The following PRKG1 variants were observed in gnomAD, a reference collection of about 807,000 sequenced individuals.
PRKG1 encodes the protein protein kinase cGMP-dependent 1.
In PRKG1, 35 loss-of-function variants were observed where a neutral mutation model predicts 88.1. The observed-to-expected ratio is 0.40, with a 90% CI of 0.30 to 0.53. The LOEUF (loss-of-function observed/expected upper bound fraction) is 0.53. PRKG1 is among the 20% of genes least tolerant of loss of function. PRKG1 has a pLI of 0.59. For synonymous variants in PRKG1, 303 were observed against 292.5 expected (o/e 1.04, Z -0.37); for missense variants, 540 against 839.8 (o/e 0.64, Z 4.41).
chr10:51,012,797 G>A (rs1368360053), intron 1 of PRKG1, among the ~76,000 whole-genome samples: 2 of 152,240 alleles, frequency 1.3e-5, no homozygotes, highest in African/African-American at 4.8e-5. Flanking sequence ...AAATAAAGGT[G>A]CAATGGCAGA....
At chr10:52,058,700 A>G (rs1448636944) in intron 6 of PRKG1, among the ~76,000 whole-genome samples, 1 of 152,066 alleles carries the variant, frequency 6.6e-6, no homozygotes, top group Non-Finnish European at 1.5e-5. Flanking sequence ...AGTAAAACAT[A>G]AAGCTATAAA....
At chr10:51,748,579 A>G (rs956292017) in intron 3 of PRKG1, among the ~76,000 whole-genome samples, 2 of 152,208 alleles carry the variant, frequency 1.3e-5, no homozygotes, top group Admixed American at 6.5e-5. Flanking sequence ...TTCAATAATT[A>G]AAAAAGAGGA....
intron 9 of PRKG1, among the ~76,000 whole-genome samples, chr10:52,173,686 C>T (rs563318236): frequency 6.6e-6 from 1 of 152,152 alleles, no homozygotes; most frequent in African/African-American, 2.4e-5. Flanking sequence ...CTATTAATTA[C>T]TTCAGGCAGC....
At chr10:51,256,477 A>G (rs1435082763) in intron 2 of PRKG1, among the ~76,000 whole-genome samples, 1 of 152,142 alleles carries the variant, frequency 6.6e-6, no homozygotes, top group East Asian at 1.9e-4. Flanking sequence ...AGGCTACATA[A>G]AGGATAGGCA....
At chr10:51,979,270 C>T (rs562369651) in intron 5 of PRKG1, among the ~76,000 whole-genome samples, 3 of 152,072 alleles carry the variant, frequency 2.0e-5, no homozygotes, top group East Asian at 3.9e-4. Flanking sequence ...TATTGATTTG[C>T]ATATGTTGAA....
chr10:52,081,558 A>G (rs1846775934), intron 7 of PRKG1: 1 of 456,068 alleles, frequency 2.2e-6, no homozygotes, highest in Admixed American at 2.4e-5. Context: ...GATTAATCAT[A>G]ATTCATTCAA....
intron 2 of PRKG1, among the ~76,000 whole-genome samples, chr10:51,465,180 A>C (rs1016070171): frequency 1.3e-5 from 2 of 152,126 alleles, no homozygotes; most frequent in Non-Finnish European, 2.9e-5. Flanking sequence ...TTTACAAATT[A>C]GTTCTGATGT....
intron 9 of PRKG1, among the ~76,000 whole-genome samples, chr10:52,248,811 C>CA (rs1841090556): frequency 6.6e-6 from 1 of 152,088 alleles, no homozygotes; most frequent in Non-Finnish European, 1.5e-5. Context: ...TGTAGATATG[C>CA]AAACATAAAG....
intron 1 of PRKG1, among the ~76,000 whole-genome samples, chr10:51,122,300 C>T (rs1212345284): frequency 6.6e-6 from 1 of 152,176 alleles, no homozygotes; most frequent in African/African-American, 2.4e-5. Flanking sequence ...GCATCATGCC[C>T]TTCTCCCAAA....
chr10:52,023,448 G>T (rs1054459295), intron 5 of PRKG1, among the ~76,000 whole-genome samples: 1 of 152,140 alleles, frequency 6.6e-6, no homozygotes, highest in South Asian at 2.1e-4. Context: ...GGATTGCTGG[G>T]TCAAATGGTA....
At chr10:51,119,966 T>A (rs1845221241) in intron 1 of PRKG1, among the ~76,000 whole-genome samples, 1 of 152,154 alleles carries the variant, frequency 6.6e-6, no homozygotes, top group African/African-American at 2.4e-5. Flanking sequence ...AGTTTACAAA[T>A]GATCACAGGT....
chr10:51,563,239 C>T (rs1004738480), intron 3 of PRKG1, among the ~76,000 whole-genome samples: 2 of 152,032 alleles, frequency 1.3e-5, no homozygotes, highest in African/African-American at 4.8e-5. Context: ...GTGTTGTACA[C>T]CACTGTAGAT....
rs752026841 is a variant in PRKG1, at chr10:51,518,185, A to T, written c.592+50349A>T. On this transcript the variant is annotated intron_variant, in intron 3 of 17. Transcript: ENST00000373980. Reference sequence around the variant, plus strand: ...GCTAATTTTTGTATTTTTTGTAGAGATGGGGTTTCACCATGTTGGCCAGGC... The same window carrying T: ...GCTAATTTTTGTATTTTTTGTAGAGTTGGGGTTTCACCATGTTGGCCAGGC... Among the ~76,000 whole-genome samples, 118 of 152,184 alleles carry T rather than the reference A, an allele frequency of 7.8e-4. 2 individuals are homozygous for T. The Middle Eastern group carries it at 0.024, about 31-fold the overall frequency.
intron 9 of PRKG1, among the ~76,000 whole-genome samples, chr10:52,208,683 A>T (rs545184859): frequency 3.7e-4 from 56 of 152,344 alleles, no homozygotes; most frequent in African/African-American, 1.3e-3. Context: ...TAGAAAGATG[A>T]TCTTCAAGGC....
intron 4 of PRKG1, among the ~76,000 whole-genome samples, chr10:51,869,872 G>A (rs964105254): frequency 1.3e-5 from 2 of 152,102 alleles, no homozygotes; most frequent in Non-Finnish European, 2.9e-5. Flanking sequence ...GAATTATAAT[G>A]TTAAGTATTA....
intron 1 of PRKG1, among the ~76,000 whole-genome samples, chr10:51,086,650 T>C (rs182188349): frequency 2.6e-5 from 4 of 152,320 alleles, no homozygotes; most frequent in Admixed American, 2.6e-4. Context: ...AATATTGAAA[T>C]ATTTTGGTGA....
At chr10:51,631,483 C>T (rs1432652711) in intron 3 of PRKG1, among the ~76,000 whole-genome samples, 3 of 152,170 alleles carry the variant, frequency 2.0e-5, no homozygotes, top group Non-Finnish European at 2.9e-5. Context: ...TAAAGCCTGC[C>T]ACCAGATGCA....
At chr10:51,386,541 T>C (rs952495724) in intron 2 of PRKG1, among the ~76,000 whole-genome samples, 1 of 152,132 alleles carries the variant, frequency 6.6e-6, no homozygotes, top group African/African-American at 2.4e-5. Flanking sequence ...TGTCCCAGCT[T>C]AAGCAGTCAA....
chr10:52,164,216 T>A (rs1429563441), intron 9 of PRKG1, among the ~76,000 whole-genome samples: 1 of 151,974 alleles, frequency 6.6e-6, no homozygotes, highest in East Asian at 1.9e-4. Context: ...CCAGGCGTGG[T>A]GGTGGGCACC....
Sources: gnomAD v4.1 joint callset for allele counts (sites outside exome capture counted in the v4.1 genomes callset) on GRCh38, gnomAD v4.1.1 for gene constraint, MANE v1.5 for transcripts, NCBI Gene and HGNC (gene_info 2026-07-23, HGNC 2026-07-21) for gene names.